The following CSMD3 variants were observed in gnomAD, a reference collection of about 807,000 sequenced individuals.
CSMD3 encodes the protein CUB and sushi domain-containing protein 3.
CSMD3 carries 177 observed loss-of-function variants against 435.2 expected under a neutral mutation model. That is an observed-to-expected ratio of 0.41 (90% CI 0.36 to 0.46). The LOEUF is 0.46. Among genes scored for constraint, CSMD3 ranks in the 20% least tolerant of loss-of-function variants. The probability of loss-of-function intolerance (pLI) is 0.34; values close to 1 mark genes in which losing one functional copy is unlikely to be tolerated. For synonymous variants in CSMD3, 1,656 were observed against 1,520.5 expected (o/e 1.09, Z -2.07); for missense variants, 4,265 against 4,504.6 (o/e 0.95, Z 1.52).
chr8:112,567,194 G>A (rs1322246584), intron 24 of CSMD3, among the ~76,000 whole-genome samples: 5 of 152,014 alleles, frequency 3.3e-5, no homozygotes, highest in Non-Finnish European at 2.9e-5. Context: ...TTAGGCCTTC[G>A]CACTTGCTAC....
intron 23 of CSMD3, among the ~76,000 whole-genome samples, chr8:112,577,368 C>G (rs1035617009): frequency 6.6e-6 from 1 of 151,992 alleles, no homozygotes; most frequent in Non-Finnish European, 1.5e-5. Flanking sequence ...GCCTTTTGTT[C>G]AAAAGTAAAT....
intron 2 of CSMD3, among the ~76,000 whole-genome samples, chr8:113,281,525 C>T (rs2140063): frequency 0.3 from 45,780 of 151,400 alleles, 8,016 homozygotes; most frequent in East Asian, 0.7. Flanking sequence ...ATGTCTTTTT[C>T]CACCCCTTTA....
In CSMD3 at chr8:112,921,763, TA is replaced by T; in HGVS notation, c.1509-13del. On this transcript the variant is annotated splice_polypyrimidine_tract_variant and intron_variant, in intron 9 of 70. Transcript: ENST00000297405. ...CAGTTGATCCAAGGCTAAAGTTAAA[TA>T]AAAGAGAAAAAATATGATAAGAAAG... The T allele has an allele frequency of 2.5e-6, 4 of 1,597,160 alleles. No individual in the cohort carries two copies. Among genetic ancestry groups the T allele is most frequent in the Non-Finnish European group, 3.4e-6 (4 of 1,165,216 alleles).
chr8:113,307,624 T>G (rs2093831758), intron 2 of CSMD3, among the ~76,000 whole-genome samples: 1 of 152,226 alleles, frequency 6.6e-6, no homozygotes, highest in African/African-American at 2.4e-5. Context: ...GCAATGCATG[T>G]ATTTGTCAAA....
chr8:112,381,369 C>G (rs1446551805), intron 37 of CSMD3, among the ~76,000 whole-genome samples: 2 of 152,134 alleles, frequency 1.3e-5, no homozygotes, highest in South Asian at 2.1e-4. Flanking sequence ...TATAAAGTAT[C>G]TGCTTGAATC....
intron 10 of CSMD3, among the ~76,000 whole-genome samples, chr8:112,901,264 G>A (rs970114636): frequency 6.6e-6 from 1 of 151,418 alleles, no homozygotes; most frequent in South Asian, 2.1e-4. Flanking sequence ...CTCTTTTGCA[G>A]TGTGTTATGG....
intron 59 of CSMD3, among the ~76,000 whole-genome samples, chr8:112,275,864 T>G (rs2130524534): frequency 6.6e-6 from 1 of 152,240 alleles, no homozygotes; most frequent in South Asian, 2.1e-4. Flanking sequence ...CAAACCATAT[T>G]ATTCCAAGCG....
At chr8:113,313,153 T>TA (rs2093883138) in intron 2 of CSMD3, 1 of 152,132 alleles carries the variant, frequency 6.6e-6, no homozygotes, top group Non-Finnish European at 1.5e-5. Context: ...AGAACCGGCC[T>TA]TACTACCATC....
chr8:113,316,760 G>A (rs1434250150), intron 1 of CSMD3, among the ~76,000 whole-genome samples: 2 of 151,764 alleles, frequency 1.3e-5, no homozygotes, highest in East Asian at 3.9e-4. Context: ...ATGTTGGCAA[G>A]GCTGATTTCG....
At position 113,043,352 on chromosome 8, in the gene CSMD3, TTC is replaced by T. The variant is rs2087703237; in HGVS notation, c.918-24175_918-24174del. Among the ~76,000 whole-genome samples the T allele has an allele frequency of 3.3e-5, 5 of 152,310 alleles. No individual in the cohort carries two copies. The South Asian group carries it at 1.0e-3, about 32-fold the overall frequency. The stretch of plus-strand genomic sequence containing the variant: ...GGTTTTATTCTTTTTGTAGAATGTC[TTC>T]TGTTATCTCCTCTTATGTATTTTAT... On this transcript the variant is annotated intron_variant, in intron 5 of 70. Transcript: ENST00000297405.
At chr8:112,309,328 G>C (rs1306471912) in intron 50 of CSMD3, among the ~76,000 whole-genome samples, 1 of 151,792 alleles carries the variant, frequency 6.6e-6, no homozygotes, top group Non-Finnish European at 1.5e-5. Context: ...ATAGGAGTGT[G>C]TATGTGTATG....
intron 5 of CSMD3, among the ~76,000 whole-genome samples, chr8:113,021,070 A>G (rs1322176145): frequency 1.3e-5 from 2 of 152,144 alleles, no homozygotes; most frequent in Non-Finnish European, 2.9e-5. Flanking sequence ...CATTGGGATA[A>G]TTTTTATATA....
At position 113,314,774 on chromosome 8, in the gene CSMD3, A is replaced by T. The variant is rs148820468; in HGVS notation, c.198T>A (p.Gly66=). 7.5e-6 allele frequency: 12 copies of T among 1,607,138 alleles called. No individual in the cohort carries two copies. In the African/African-American group the frequency reaches 1.2e-4, roughly 16 times the overall value. ...TGCCATTAAGTCCTTTTAAAGTTCCACCACATGTATAAATAAATCCTGCAA... is the reference window on the plus strand; with the variant it reads ...TGCCATTAAGTCCTTTTAAAGTTCCTCCACATGTATAAATAAATCCTGCAA... The part of the protein sequence containing the change: ...SCVKGFIYTC[G]GTLKGLNGTI... Residue 66 remains glycine (G), a synonymous_variant, in exon 2 of 71, where the codon GGT becomes GGA. Coordinates refer to ENST00000297405, the MANE Select transcript of CSMD3 (RefSeq NM_198123.2).
intron 24 of CSMD3, among the ~76,000 whole-genome samples, chr8:112,561,870 C>T (rs1161816970): frequency 6.6e-6 from 1 of 151,486 alleles, no homozygotes; most frequent in Non-Finnish European, 1.5e-5. Flanking sequence ...TAATTATATA[C>T]CCAGGCATGC....
chr8:113,055,653 A>G (rs2088296001), intron 5 of CSMD3, among the ~76,000 whole-genome samples: 1 of 152,206 alleles, frequency 6.6e-6, no homozygotes, highest in Admixed American at 6.5e-5. Context: ...TTTACTGCAA[A>G]AACAGAAAAT....
At chr8:112,552,775 C>G (rs1827800794) in intron 25 of CSMD3, 55 bp from the exon 26 acceptor site, 1 of 1,535,568 alleles carries the variant, frequency 6.5e-7, no homozygotes, top group Admixed American at 1.7e-5. Context: ...CTTTTCAAAA[C>G]AATCTACAAA....
intron 10 of CSMD3, among the ~76,000 whole-genome samples, chr8:112,896,137 G>C: frequency 6.6e-6 from 1 of 151,390 alleles, no homozygotes; most frequent in East Asian, 2.0e-4. Flanking sequence ...AGTCATAAAA[G>C]GCTCCAGAGC....
In CSMD3 at chr8:112,638,791, G is replaced by A; in HGVS notation, c.3431C>T (p.Thr1144Ile). 6.2e-7 allele frequency: 1 copy of A among 1,612,562 alleles called. No homozygotes were observed. The highest frequency in any genetic ancestry group is 1.3e-5 in the African/African-American group (1 of 74,936). Residue 1144 changes from threonine to isoleucine, a missense_variant, in exon 21 of 71, where the codon ACA (threonine) becomes ATA (isoleucine). By Grantham distance (89) the Thr-to-Ile change is moderately conservative (BLOSUM62 -1). Transcript: ENST00000297405. ...ATTTCCATAGAGACCAGCATTGATT[G>A]TTGGAGGAAGATCTGAACCAGTCAG... ...ARLTGSDLPP[T>I]INAGLYGNFR...
chr8:112,663,598 G>T (rs1347921634), intron 17 of CSMD3, among the ~76,000 whole-genome samples: 1 of 151,714 alleles, frequency 6.6e-6, no homozygotes, highest in Non-Finnish European at 1.5e-5. Context: ...TAACAAATCT[G>T]CACATTGTGC....
Sources: gnomAD v4.1 joint callset for allele counts (sites outside exome capture counted in the v4.1 genomes callset) on GRCh38, gnomAD v4.1.1 for gene constraint, MANE v1.5 for transcripts, NCBI Gene and HGNC (gene_info 2026-07-23, HGNC 2026-07-21) for gene names.